The following ADAMTS2 variants were observed in gnomAD, a reference collection of about 807,000 sequenced individuals.
ADAMTS2 encodes the protein A disintegrin and metalloproteinase with thrombospondin motifs 2.
Under a neutral mutation model 123.0 loss-of-function variants are expected in ADAMTS2, and 50 were observed. That is an observed-to-expected ratio of 0.41 (90% confidence interval 0.32 to 0.51). ADAMTS2 has a LOEUF of 0.51. ADAMTS2 is among the 20% of genes least tolerant of loss of function. ADAMTS2 has a pLI of 0.35. For synonymous variants in ADAMTS2, 678 were observed against 695.4 expected (o/e 0.98, Z 0.39); for missense variants, 1,494 against 1,705.2 (o/e 0.88, Z 2.18).
In ADAMTS2 at chr5:179,155,520, C is replaced by G. The variant is rs1208371386; in HGVS notation, c.1133-601G>C. On this transcript the variant is annotated intron_variant, in intron 6 of 21. Transcript: ENST00000251582. This position sits in a 1 kb window ranked among gnomAD's most constrained non-coding sequence, Gnocchi z 5.1. ...CACACTACCCTGCAGAATATCCCAG[C>G]AGGGGGCTGGCTGGTGCGGACTGGG... is the stretch of plus-strand genomic sequence containing the variant. 6.6e-6 allele frequency among the ~76,000 whole-genome samples: 1 copy of G among 152,178 alleles called. No individual in the cohort carries two copies. The highest frequency in any genetic ancestry group is 2.4e-5 in the African/African-American group (1 of 41,450).
At chr5:179,152,321 A>C in intron 9 of ADAMTS2, 66 bp from the exon 10 acceptor site, 1 of 1,495,456 alleles carries the variant, frequency 6.7e-7, no homozygotes. Context: ...GATGCCACCC[A>C]CCCCCGGGTT....
At chr5:179,341,085 G>A (rs897740256) in intron 2 of ADAMTS2, among the ~76,000 whole-genome samples, 1 of 152,202 alleles carries the variant, frequency 6.6e-6, no homozygotes, top group Non-Finnish European at 1.5e-5. Context: ...AACCAGGGAT[G>A]AGATGCCTCC....
At chr5:179,329,183 CG>C in intron 2 of ADAMTS2, among the ~76,000 whole-genome samples, 1 of 152,012 alleles carries the variant, frequency 6.6e-6, no homozygotes. Flanking sequence ...AAAAATTAGC[CG>C]GGTGTGGTGG....
chr5:179,253,026 G>A lies in ADAMTS2; in HGVS notation c.688+19885C>T, dbSNP rs78254982. 5.7e-3 allele frequency among the ~76,000 whole-genome samples: 866 copies of A among 152,330 alleles called. 11 individuals carry two copies. The highest frequency in any genetic ancestry group is 0.02 in the African/African-American group (828 of 41,566). ...CTGTCTTTCCCCAGCAGCGTCTCCTGTCTTGAGGTCTGTTGAGTCTGAGAT... is the reference window on the plus strand; with the variant it reads ...CTGTCTTTCCCCAGCAGCGTCTCCTATCTTGAGGTCTGTTGAGTCTGAGAT... On this transcript the variant is annotated intron_variant, in intron 3 of 21. Transcript: ENST00000251582.
intron 19 of ADAMTS2, 153 bp from the exon 20 acceptor site, chr5:179,122,926 C>A: frequency 1.7e-6 from 2 of 1,192,558 alleles, no homozygotes; most frequent in Non-Finnish European, 1.2e-6. Context: ...TTGCCTTGCC[C>A]CACCCTCGGG....
At chr5:179,143,740 A>G (rs1365759753) in intron 10 of ADAMTS2, among the ~76,000 whole-genome samples, 1 of 140,704 alleles carries the variant, frequency 7.1e-6, no homozygotes, top group Admixed American at 7.0e-5. Context: ...AACGGAATAG[A>G]TTTGTGTGTG....
chr5:179,160,034 T>G (rs1763564956), intron 5 of ADAMTS2, among the ~76,000 whole-genome samples: 1 of 152,328 alleles, frequency 6.6e-6, no homozygotes, highest in South Asian at 2.1e-4. Flanking sequence ...CATGTTCTTT[T>G]CCCCTTTAAG....
chr5:179,122,529 T>C, intron 20 of ADAMTS2, 115 bp downstream of exon 20: 1 of 1,420,414 alleles, frequency 7.0e-7, no homozygotes, highest in South Asian at 1.3e-5. Flanking sequence ...TGCTCACAGA[T>C]GTTGAGTCCA....
In ADAMTS2 at chr5:179,140,012, G is replaced by C; in HGVS notation, c.1653C>G (p.Ile551Met). The C allele has an allele frequency of 1.2e-6, 2 of 1,614,178 alleles. No individual in the cohort carries two copies. Among genetic ancestry groups the C allele is most frequent in the Admixed American group, 3.3e-5 (2 of 60,028 alleles). Residue 551 changes from isoleucine to methionine, a missense_variant, in exon 11 of 22, where the codon ATC becomes ATG. By Grantham distance (10) the Ile-to-Met change is conservative. Coordinates refer to ENST00000251582, the MANE Select transcript of ADAMTS2 (RefSeq NM_014244.5). Reference sequence around the variant, plus strand: ...GTTTGAGGATGTCAGGTGTCAGCCAGATGCAGTGTCCTTTAAAACAATGCT... The same window carrying C: ...GTTTGAGGATGTCAGGTGTCAGCCACATGCAGTGTCCTTTAAAACAATGCT... ...PGKHCFKGHC[I>M]WLTPDILKRD... is the part of the protein sequence containing the mutation.
intron 3 of ADAMTS2, among the ~76,000 whole-genome samples, chr5:179,265,098 G>A (rs894854555): frequency 2.0e-5 from 3 of 148,258 alleles, no homozygotes; most frequent in Non-Finnish European, 3.0e-5. Flanking sequence ...ACCTAGTGCT[G>A]GAAGCATCTG....
chr5:179,266,347 C>T (rs1478106772), intron 3 of ADAMTS2, among the ~76,000 whole-genome samples: 4 of 152,174 alleles, frequency 2.6e-5, no homozygotes, highest in Non-Finnish European at 4.4e-5. Flanking sequence ...ATGGTCCCAG[C>T]GGGCCCTAAA....
intron 2 of ADAMTS2, among the ~76,000 whole-genome samples, chr5:179,276,655 G>C (rs1296724625): frequency 3.3e-5 from 5 of 152,246 alleles, no homozygotes; most frequent in Non-Finnish European, 1.5e-5. Flanking sequence ...TAGATGGGCA[G>C]ACAGGCTGCT....
intron 3 of ADAMTS2, among the ~76,000 whole-genome samples, chr5:179,241,286 G>T (rs1426334450): frequency 6.6e-6 from 1 of 152,196 alleles, no homozygotes; most frequent in African/African-American, 2.4e-5. Flanking sequence ...GGGAACGTTA[G>T]CTGTGTCCCT....
chr5:179,282,789 G>A (rs1766953230), intron 2 of ADAMTS2, among the ~76,000 whole-genome samples: 1 of 152,132 alleles, frequency 6.6e-6, no homozygotes, highest in South Asian at 2.1e-4. Context: ...GAAACCAAGG[G>A]CTTGGTCAGG....
chr5:179,299,942 A>C (rs1756465130), intron 2 of ADAMTS2, among the ~76,000 whole-genome samples: 1 of 151,748 alleles, frequency 6.6e-6, no homozygotes, highest in Non-Finnish European at 1.5e-5. Context: ...AAAATACAAA[A>C]AATTAGCCAG....
intron 5 of ADAMTS2, among the ~76,000 whole-genome samples, chr5:179,177,172 G>A (rs916539334): frequency 6.6e-6 from 1 of 152,220 alleles, no homozygotes. Flanking sequence ...GTATTTGTTA[G>A]AGGATGAGTT....
intron 2 of ADAMTS2, among the ~76,000 whole-genome samples, chr5:179,315,086 G>A (rs1197649544): frequency 4.5e-5 from 3 of 66,044 alleles, no homozygotes; most frequent in Admixed American, 1.9e-4. Flanking sequence ...TCCTCCCCCT[G>A]CCCCTGCATG....
intron 2 of ADAMTS2, among the ~76,000 whole-genome samples, chr5:179,301,298 G>T (rs948693483): frequency 6.6e-6 from 1 of 152,174 alleles, no homozygotes; most frequent in Non-Finnish European, 1.5e-5. Flanking sequence ...TGTCACTTGT[G>T]GCTATTTGGC....
At chr5:179,200,740 G>A (rs1764544480) in intron 4 of ADAMTS2, among the ~76,000 whole-genome samples, 1 of 152,148 alleles carries the variant, frequency 6.6e-6, no homozygotes, top group South Asian at 2.1e-4. Flanking sequence ...CTTTTCCCCT[G>A]GGAAGGGAAA....
Sources: gnomAD v4.1 joint callset for allele counts (sites outside exome capture counted in the v4.1 genomes callset) on GRCh38, gnomAD v4.1.1 for gene constraint, Gnocchi (gnomAD v3.1) non-coding constraint, MANE v1.5 for transcripts, NCBI Gene and HGNC (gene_info 2026-07-23, HGNC 2026-07-21) for gene names.